ARHGAP28: variants seen among roughly 807,000 people sequenced by gnomAD.
The protein encoded by ARHGAP28 is Rho GTPase activating protein 28.
Under a neutral mutation model 90.7 loss-of-function variants are expected in ARHGAP28, and 56 were observed. That is an observed-to-expected ratio of 0.62 (90% CI 0.50 to 0.77). The LOEUF (loss-of-function observed/expected upper bound fraction) is 0.77, where lower values mean the gene tolerates loss of function less well. Ranked by LOEUF, ARHGAP28 falls within the 30% of genes least tolerant of loss-of-function variation. ARHGAP28 has a pLI of 0.00. For missense variants in ARHGAP28, 869 were observed against 900.9 expected (o/e 0.96, Z 0.45); for synonymous variants, 308 against 323.3 (o/e 0.95, Z 0.51).
chr18:6,889,926 A>G lies in ARHGAP28; in HGVS notation c.1575A>G (p.Glu525=). The change falls in exon 13 of 18, where the codon GAA becomes GAG. Residue 525 remains glutamate, a synonymous_variant. Coordinates refer to ENST00000383472, the MANE Select transcript of ARHGAP28 (RefSeq NM_001366230.1). The part of the protein sequence containing the change: ...MTFFNKVIAN[E]SKNRMSLWNI... ...TCTTCAATAAAGTGATTGCCAATGA[A>G]TCAAAAAACCGAATGAGTCTGTGGA... 1.9e-6 allele frequency: 3 copies of G among 1,614,196 alleles called. No individual in the cohort carries two copies. The highest frequency in any genetic ancestry group is 2.5e-6 in the Non-Finnish European group (3 of 1,180,032).
Position 6,883,239 on chromosome 18 carries a change from A to AT in ARHGAP28, c.1453+957dup, listed in dbSNP as rs34238467. 7.8e-3 allele frequency among the ~76,000 whole-genome samples: 1,108 copies of AT among 142,298 alleles called. 16 individuals are homozygous for AT. The highest frequency in any genetic ancestry group is 0.024 in the African/African-American group (914 of 38,298). 93.4% of individuals were successfully genotyped at this position (142,298 alleles called of 152,430 possible). On this transcript the variant is annotated intron_variant, in intron 11 of 17. Transcript: ENST00000383472. The stretch of plus-strand genomic sequence containing the variant: ...CTCAATTTGAGAGTGTCAGGCACTA[A>AT]TTTTTTTTTTTTTTTTTGAGACAGA...
intron 1 of ARHGAP28, among the ~76,000 whole-genome samples, chr18:6,797,781 C>T (rs544896618): frequency 6.6e-6 from 1 of 152,056 alleles, no homozygotes; most frequent in Non-Finnish European, 1.5e-5. Context: ...CCTGCTTCAG[C>T]CTCCTGAATA....
chr18:6,899,490 A>G lies in ARHGAP28; in HGVS notation c.2030+2864A>G, dbSNP rs77085129. ...TTAGGTAAAGAGGTGGCCTAACCAC[A>G]GAAAACCTTTCTGGCAATATCTGCC... On this transcript the variant is annotated intron_variant, in intron 16 of 17. Transcript: ENST00000383472. Among the ~76,000 whole-genome samples, 1,126 of 152,314 alleles carry G rather than the reference A, an allele frequency of 7.4e-3. 21 individuals carry two copies. Among genetic ancestry groups the G allele is most frequent in the African/African-American group, 0.026 (1,063 of 41,562 alleles).
chr18:6,735,994 A>T (rs1249701869), intron 1 of ARHGAP28, among the ~76,000 whole-genome samples: 1 of 152,130 alleles, frequency 6.6e-6, no homozygotes, highest in Non-Finnish European at 1.5e-5. Context: ...TGTCTGCCAG[A>T]TTTCTGTACT....
intron 1 of ARHGAP28, among the ~76,000 whole-genome samples, chr18:6,801,345 C>T (rs1386970418): frequency 6.6e-6 from 1 of 152,134 alleles, no homozygotes; most frequent in African/African-American, 2.4e-5. Flanking sequence ...TATTTTTGGG[C>T]TCTATTCTGT....
intron 1 of ARHGAP28, among the ~76,000 whole-genome samples, chr18:6,792,956 C>T (rs574043335): frequency 6.6e-6 from 1 of 152,326 alleles, no homozygotes; most frequent in East Asian, 1.9e-4. Context: ...CTCACATTTG[C>T]CTCATTCAAA....
chr18:6,750,257 A>C (rs2056058519), intron 1 of ARHGAP28, among the ~76,000 whole-genome samples: 1 of 152,224 alleles, frequency 6.6e-6, no homozygotes, highest in South Asian at 2.1e-4. Context: ...ACTGAGATAC[A>C]GGGTAACTAA....
chr18:6,888,946 T>C (rs920796592), intron 12 of ARHGAP28, among the ~76,000 whole-genome samples: 5 of 152,178 alleles, frequency 3.3e-5, no homozygotes, highest in Non-Finnish European at 5.9e-5. Context: ...CCACTTAAGC[T>C]GAACAAAGCT....
intron 1 of ARHGAP28, among the ~76,000 whole-genome samples, chr18:6,768,236 T>A (rs546734745): frequency 6.6e-6 from 1 of 152,344 alleles, no homozygotes; most frequent in African/African-American, 2.4e-5. Context: ...TTTTATGTCC[T>A]TATGTGCTAA....
chr18:6,890,970 G>A (rs1291668427), intron 14 of ARHGAP28, among the ~76,000 whole-genome samples: 1 of 152,168 alleles, frequency 6.6e-6, no homozygotes, highest in Non-Finnish European at 1.5e-5. Context: ...TAACTTCATT[G>A]CATTCCAAGG....
intron 1 of ARHGAP28, among the ~76,000 whole-genome samples, chr18:6,820,530 T>G (rs983311059): frequency 1.3e-5 from 2 of 152,172 alleles, no homozygotes; most frequent in African/African-American, 4.8e-5. Context: ...TATTCCAAAA[T>G]TGATGAAAGA....
intron 1 of ARHGAP28, among the ~76,000 whole-genome samples, chr18:6,760,911 A>C (rs929170243): frequency 1.3e-5 from 2 of 152,216 alleles, no homozygotes; most frequent in Non-Finnish European, 2.9e-5. Context: ...TTCAGAATAC[A>C]AATGTAGAAG....
intron 12 of ARHGAP28, among the ~76,000 whole-genome samples, chr18:6,888,316 T>C (rs2057237849): frequency 6.6e-6 from 1 of 152,250 alleles, no homozygotes; most frequent in South Asian, 2.1e-4. Context: ...CAACAGGTAT[T>C]TGGAATCTTT....
At chr18:6,858,425 C>T (rs924463587) in intron 4 of ARHGAP28, among the ~76,000 whole-genome samples, 7 of 152,110 alleles carry the variant, frequency 4.6e-5, no homozygotes, top group Non-Finnish European at 1.0e-4. Context: ...TGGAATTCTT[C>T]GTTGGTTTCC....
intron 3 of ARHGAP28, among the ~76,000 whole-genome samples, chr18:6,849,317 T>C (rs1036756799): frequency 2.7e-5 from 4 of 150,740 alleles, no homozygotes; most frequent in African/African-American, 4.9e-5. Context: ...TGAAGAAACT[T>C]CTCACTGAGA....
chr18:6,811,719 T>C (rs1336557190), intron 1 of ARHGAP28, among the ~76,000 whole-genome samples: 1 of 149,132 alleles, frequency 6.7e-6, no homozygotes, highest in Non-Finnish European at 1.5e-5. Flanking sequence ...TACATAGTGC[T>C]GTTTTTTCTT....
rs779427893 is a variant in ARHGAP28 at position 6,912,091 on chromosome 18, A to G, written c.2127A>G (p.Ile709Met). ...ATTGCTTGGATCCAGATGCTTATAT[A>G]TTGGATGTATATCGTATAAATCCTC... is the stretch of plus-strand genomic sequence containing the variant. ...GEHCLDPDAY[I>M]LDVYRINPQA... Residue 709 changes from isoleucine to methionine, a missense_variant, in exon 18 of 18, where the codon ATA becomes ATG. Ile to Met is a conservative substitution (Grantham distance 10). Transcript: ENST00000383472. 1.2e-6 allele frequency: 2 copies of G among 1,608,136 alleles called. No homozygotes were observed. Among genetic ancestry groups the G allele is most frequent in the Non-Finnish European group, 1.7e-6 (2 of 1,176,462 alleles).
rs190632412 is a variant in ARHGAP28, at chr18:6,898,485, G to C, written c.2030+1859G>C. ...ACTTTCCTTCCTAAATGGAAAATGG[G>C]TTAAAAAAGAAAGAGAAGAGTCGAC... On this transcript the variant is annotated intron_variant, in intron 16 of 17. Transcript: ENST00000383472. The C allele has an allele frequency of 6.2e-6, 10 of 1,614,006 alleles. 1 individual carries two copies. In the Admixed American group the frequency reaches 1.2e-4, roughly 19 times the overall value.
At chr18:6,740,446 C>G (rs2055966776) in intron 1 of ARHGAP28, among the ~76,000 whole-genome samples, 1 of 152,152 alleles carries the variant, frequency 6.6e-6, no homozygotes, top group South Asian at 2.1e-4. Flanking sequence ...ATGATGCCAA[C>G]CTCAGATGAG....
Sources: gnomAD v4.1 joint callset for allele counts (sites outside exome capture counted in the v4.1 genomes callset) on GRCh38, gnomAD v4.1.1 for gene constraint, MANE v1.5 for transcripts, NCBI Gene and HGNC (gene_info 2026-07-23, HGNC 2026-07-21) for gene names.